Variants in FAM171A1 observed in about 807,000 individuals in gnomAD.
FAM171A1 encodes family with sequence similarity 171 member A1, also known as protein FAM171A1.
Under a neutral mutation model 74.9 loss-of-function variants are expected in FAM171A1, and 23 were observed. The observed-to-expected ratio is 0.31, with a 90% CI of 0.22 to 0.44. The LOEUF (loss-of-function observed/expected upper bound fraction) is 0.44, where lower values mean the gene tolerates loss of function less well. Ranked by LOEUF, FAM171A1 falls within the 20% of genes least tolerant of loss-of-function variation. The pLI, the probability that FAM171A1 is intolerant of heterozygous loss-of-function variation, is 1.00. For synonymous variants in FAM171A1, 527 were observed against 505.7 expected, an observed-to-expected ratio of 1.04 and a Z score of -0.57; for missense variants, 1,162 against 1,159.2, an observed-to-expected ratio of 1.00 and a Z score of -0.03.
intron 2 of FAM171A1, among the ~76,000 whole-genome samples, chr10:15,276,879 T>A (rs1163690096): frequency 6.6e-6 from 1 of 152,024 alleles, no homozygotes; most frequent in East Asian, 1.9e-4. Flanking sequence ...AGAGACAGGG[T>A]CTCCATATGT....
At chr10:15,293,021 T>TA (rs1250991085) in intron 1 of FAM171A1, among the ~76,000 whole-genome samples, 20 of 152,242 alleles carry the variant, frequency 1.3e-4, no homozygotes, top group African/African-American at 4.6e-4. Flanking sequence ...TTCTGCTTTT[T>TA]ATGCGTGACA....
intron 1 of FAM171A1, among the ~76,000 whole-genome samples, chr10:15,347,730 G>C (rs1350360094): frequency 6.6e-6 from 1 of 150,566 alleles, no homozygotes; most frequent in Non-Finnish European, 1.5e-5. Flanking sequence ...CAGCTACTTG[G>C]AGGCTGAGGC....
chr10:15,340,183 C>T (rs1179361913), intron 1 of FAM171A1, among the ~76,000 whole-genome samples: 2 of 152,130 alleles, frequency 1.3e-5, no homozygotes, highest in African/African-American at 4.8e-5. Context: ...TGTCTCTGCT[C>T]CCCATCAGTA....
At chr10:15,226,338 G>A (rs1834107270) in intron 5 of FAM171A1, among the ~76,000 whole-genome samples, 1 of 152,136 alleles carries the variant, frequency 6.6e-6, no homozygotes, top group Admixed American at 6.5e-5. Flanking sequence ...TGATCTCTCT[G>A]GCATCATCAA....
intron 2 of FAM171A1, 21 bp downstream of exon 2, chr10:15,283,857 G>A: frequency 1.2e-6 from 2 of 1,612,232 alleles, no homozygotes; most frequent in Non-Finnish European, 1.7e-6. Context: ...CTGTGTTAAA[G>A]AAAGATGAGG....
intron 2 of FAM171A1, among the ~76,000 whole-genome samples, chr10:15,278,531 A>G (rs890517637): frequency 2.0e-5 from 3 of 152,218 alleles, no homozygotes; most frequent in African/African-American, 7.2e-5. Flanking sequence ...GAATGGATAA[A>G]GTGTGGTATT....
chr10:15,277,838 C>T (rs1017209203), intron 2 of FAM171A1, among the ~76,000 whole-genome samples: 2 of 152,102 alleles, frequency 1.3e-5, no homozygotes, highest in African/African-American at 4.8e-5. Context: ...CTCACTCCAG[C>T]CTCTGCCTCC....
chr10:15,368,113 A>T (rs1191661314), intron 1 of FAM171A1, among the ~76,000 whole-genome samples: 1 of 152,232 alleles, frequency 6.6e-6, no homozygotes, highest in East Asian at 1.9e-4. Flanking sequence ...CTGAGAGGAA[A>T]CACTTAATAA....
In FAM171A1 at chr10:15,230,726, C is replaced by T. The variant is rs928108707; in HGVS notation, c.755-9666G>A. On this transcript the variant is annotated intron_variant, in intron 5 of 7. Transcript: ENST00000378116. ...GGAAAGAAGCAGTTATGGGAAACCA[C>T]AAAATACTGGCAGACTTATAGAAAC... Among the ~76,000 whole-genome samples, 8 of 152,230 alleles carry T rather than the reference C, an allele frequency of 5.3e-5. No individual in the cohort carries two copies. The South Asian group carries it at 1.7e-3, about 32-fold the overall frequency.
chr10:15,337,983 G>C (rs1835724370), intron 1 of FAM171A1, among the ~76,000 whole-genome samples: 1 of 151,976 alleles, frequency 6.6e-6, no homozygotes, highest in Non-Finnish European at 1.5e-5. Context: ...TATCAAGACT[G>C]TTATGGCTCA....
At chr10:15,272,098 A>G (rs1834832838) in intron 3 of FAM171A1, among the ~76,000 whole-genome samples, 2 of 152,252 alleles carry the variant, frequency 1.3e-5, no homozygotes, top group Admixed American at 6.5e-5. Flanking sequence ...GGCACATTGG[A>G]TAAACAGTCA....
intron 1 of FAM171A1, among the ~76,000 whole-genome samples, chr10:15,329,038 G>A (rs1401538170): frequency 2.0e-5 from 3 of 152,150 alleles, no homozygotes; most frequent in Non-Finnish European, 2.9e-5. Flanking sequence ...TGAAGCCACC[G>A]GGCAGTGGGT....
intron 1 of FAM171A1, among the ~76,000 whole-genome samples, chr10:15,326,169 T>C (rs1282925995): frequency 2.0e-5 from 3 of 152,190 alleles, no homozygotes; most frequent in African/African-American, 7.2e-5. Context: ...CCAGAGGACT[T>C]ATGTTCTCTG....
At chr10:15,331,880 C>CATATATATATATATATATATATATAT (rs71390031) in intron 1 of FAM171A1, among the ~76,000 whole-genome samples, 72 of 59,608 alleles carry the variant, frequency 1.2e-3, no homozygotes, top group African/African-American at 1.5e-3. Context: ...TGTGTGTATA[C>CATATATATATATATATATATATATAT]ATATATATAT....
intron 2 of FAM171A1, 36 bp downstream of exon 2, chr10:15,283,842 G>A (rs1835000323): frequency 1.2e-6 from 2 of 1,600,608 alleles, no homozygotes; most frequent in Admixed American, 1.7e-5. Flanking sequence ...ACCAGCCAAT[G>A]CCCTCTGTGT....
At chr10:15,339,929 G>A (rs1423322308) in intron 1 of FAM171A1, among the ~76,000 whole-genome samples, 1 of 152,056 alleles carries the variant, frequency 6.6e-6, no homozygotes. Context: ...GAGCAAAAGG[G>A]GTTTCTCCTT....
At chr10:15,325,231 C>T (rs1171926696) in intron 1 of FAM171A1, among the ~76,000 whole-genome samples, 1 of 152,212 alleles carries the variant, frequency 6.6e-6, no homozygotes, top group Non-Finnish European at 1.5e-5. Flanking sequence ...GCCCGGGGCT[C>T]ACACCTGTAA....
chr10:15,304,658 T>C (rs1175870495), intron 1 of FAM171A1, among the ~76,000 whole-genome samples: 1 of 152,196 alleles, frequency 6.6e-6, no homozygotes, highest in South Asian at 2.1e-4. Context: ...TGTGTGGCCC[T>C]GCCTGTTATG....
At chr10:15,255,605 G>A (rs1277554194) in intron 3 of FAM171A1, among the ~76,000 whole-genome samples, 3 of 151,880 alleles carry the variant, frequency 2.0e-5, no homozygotes, top group South Asian at 4.2e-4. Flanking sequence ...TGGTTGTGCC[G>A]TCCTCTGCAG....
Sources: gnomAD v4.1 joint callset for allele counts (sites outside exome capture counted in the v4.1 genomes callset) on GRCh38, gnomAD v4.1.1 for gene constraint, MANE v1.5 for transcripts, NCBI Gene and HGNC (gene_info 2026-07-23, HGNC 2026-07-21) for gene names.